EPG5: variants seen among roughly 807,000 people sequenced by gnomAD.
EPG5 encodes the protein ectopic P-granules 5 autophagy tethering factor.
In EPG5, 159 loss-of-function variants were observed where a neutral mutation model predicts 302.7. The ratio of observed to expected loss-of-function variants is 0.53; its 90% CI spans 0.46 to 0.60. The LOEUF is 0.60. Ranked by LOEUF, EPG5 falls within the 20% of genes least tolerant of loss-of-function variation. The pLI, the probability that EPG5 is intolerant of heterozygous loss-of-function variation, is 0.00. For missense variants in EPG5, 2,896 were observed against 3,092.4 expected (o/e 0.94, Z 1.51); for synonymous variants, 1,158 against 1,136.8 (o/e 1.02, Z -0.37).
intron 22 of EPG5, 28 bp downstream of exon 22, chr18:45,912,262 C>T: frequency 6.5e-7 from 1 of 1,530,210 alleles, no homozygotes. Context: ...AATGGACTCA[C>T]AGAAACCTAC....
At chr18:45,881,736 C>G (rs2049103023) in intron 31 of EPG5, among the ~76,000 whole-genome samples, 2 of 151,996 alleles carry the variant, frequency 1.3e-5, no homozygotes, top group African/African-American at 4.8e-5. Context: ...ACAGAAGTGG[C>G]AGGAATGTGG....
chr18:45,868,197 G>A, intron 36 of EPG5: 1 of 455,200 alleles, frequency 2.2e-6, no homozygotes, highest in Non-Finnish European at 4.4e-6. Flanking sequence ...CCTACCCCTA[G>A]AGCTTTTAAT....
intron 10 of EPG5, among the ~76,000 whole-genome samples, chr18:45,938,784 C>T (rs60288752): frequency 0.1 from 15,399 of 152,240 alleles, 1,202 homozygotes; most frequent in East Asian, 0.29. Context: ...AAATATTAAG[C>T]GACTTTCCCA....
chr18:45,880,148 C>A lies in EPG5; in HGVS notation c.5594G>T (p.Cys1865Phe). 6.2e-7 allele frequency: 1 copy of A among 1,611,548 alleles called. No homozygotes were observed. The change falls in exon 32 of 44, where the codon TGC becomes TTC. Residue 1865 changes from cysteine (C) to phenylalanine (F), a missense_variant. Around this residue, in one of 5 missense-constraint regions of EPG5, gnomAD observed 790 missense variants for 798.0 expected, o/e 0.99. Coordinates refer to ENST00000282041, the MANE Select transcript of EPG5 (RefSeq NM_020964.3). ...CTCGGTGGACGCTGCCCCCTGCTGG[C>A]AGCTGGGGGCGCAGCAGCCCAGGGC... ...LRALGCCAPS[C>F]QQGAASTEGA...
rs754410371 is a variant in EPG5, at chr18:45,903,958, G to A, written c.4474+15C>T. On this transcript the variant is annotated intron_variant, in intron 25 of 43. Transcript: ENST00000282041. ...CATTCACTCATTCGAAGGGGCAGGT[G>A]CTCCCAGGACCCACCCAGCAAAGGA... 56 of 1,591,904 alleles carry A rather than the reference G, an allele frequency of 3.5e-5. No individual in the cohort carries two copies. The highest frequency in any genetic ancestry group is 4.2e-5 in the Non-Finnish European group (49 of 1,174,342).
intron 43 of EPG5, among the ~76,000 whole-genome samples, chr18:45,854,575 C>G (rs2048476575): frequency 6.6e-6 from 1 of 152,182 alleles, no homozygotes; most frequent in Non-Finnish European, 1.5e-5. Flanking sequence ...AATAATAGTT[C>G]CCAGCTGGAT....
At chr18:45,900,294 C>T (rs1484018632) in intron 26 of EPG5, among the ~76,000 whole-genome samples, 2 of 149,702 alleles carry the variant, frequency 1.3e-5, no homozygotes, top group African/African-American at 4.9e-5. Context: ...CCCAGCTACT[C>T]GGGAGGCTGA....
Position 45,883,478 on chromosome 18 carries a change from T to TTC in EPG5, c.5305-992_5305-991insGA, listed in dbSNP as rs1555667565. On this transcript the variant is annotated intron_variant, in intron 30 of 43. Transcript: ENST00000282041. ...AAGGTTGTCTTTTTTTTTTTTTTTT[T>TTC]CACAACAGGTCTCACTCCATCACCC... Among the ~76,000 whole-genome samples the TTC allele has an allele frequency of 6.2e-4, 93 of 149,444 alleles. 1 individual carries two copies. Among genetic ancestry groups the TTC allele is most frequent in the Admixed American group, 1.7e-3 (25 of 15,028 alleles).
chr18:45,877,144 C>T (rs1040050822), intron 34 of EPG5, among the ~76,000 whole-genome samples: 5 of 152,082 alleles, frequency 3.3e-5, no homozygotes, highest in Non-Finnish European at 7.4e-5. Flanking sequence ...TGCCTGTAAT[C>T]CCAGCACTTT....
chr18:45,910,772 C>T, intron 22 of EPG5, 30 bp from the exon 23 acceptor site: 1 of 1,556,000 alleles, frequency 6.4e-7, no homozygotes, highest in Non-Finnish European at 8.8e-7. Context: ...GATCTATAAC[C>T]TTTCAACACA....
chr18:45,929,072 T>A, intron 12 of EPG5, 63 bp from the exon 13 acceptor site: 1 of 1,487,562 alleles, frequency 6.7e-7, no homozygotes, highest in Non-Finnish European at 9.2e-7. Flanking sequence ...CAAAACACAC[T>A]TATATCATTT....
At chr18:45,867,108 G>A in intron 37 of EPG5, 101 bp from the exon 38 acceptor site, 1 of 783,152 alleles carries the variant, frequency 1.3e-6, no homozygotes, top group South Asian at 1.6e-5. Context: ...ATGGCCTATG[G>A]TAAGCACAGA....
rs753777979 is a variant in EPG5 at position 45,944,125 on chromosome 18, G to C, written c.1678-6C>G. 1.9e-6 allele frequency: 3 copies of C among 1,570,092 alleles called. No individual in the cohort carries two copies. The highest frequency in any genetic ancestry group is 1.7e-5 in the Admixed American group (1 of 59,630). ...CTGGTCTCAGGGTCTTCATCCTAAGGGAAAAGACAAAAAATCATGTCAGCA... is the reference window on the plus strand; with the variant it reads ...CTGGTCTCAGGGTCTTCATCCTAAGCGAAAAGACAAAAAATCATGTCAGCA... On this transcript the variant is annotated splice_region_variant and splice_polypyrimidine_tract_variant and intron_variant, in intron 7 of 43. Transcript: ENST00000282041.
At chr18:45,899,305 A>G in intron 27 of EPG5, 99 bp downstream of exon 27, 2 of 1,358,754 alleles carry the variant, frequency 1.5e-6, no homozygotes, top group Non-Finnish European at 2.1e-6. Flanking sequence ...TGGGACACAG[A>G]CAGTGTGCTA....
At chr18:45,806,259 T>G in the EPG5 span, among the ~76,000 whole-genome samples, 1 of 152,208 alleles carries the variant, frequency 6.6e-6, no homozygotes, top group South Asian at 2.1e-4. Context: ...GAAAACTATT[T>G]TTACCATAAA....
the EPG5 span, chr18:45,842,317 C>T: frequency 3.4e-6 from 3 of 895,304 alleles, no homozygotes; most frequent in Non-Finnish European, 5.3e-6. Context: ...TCCTCCCCTG[C>T]TCAAGGTCAA....
chr18:45,909,301 A>G (rs1573405), intron 23 of EPG5, among the ~76,000 whole-genome samples: 38,953 of 152,090 alleles, frequency 0.26, 6,044 homozygotes, highest in African/African-American at 0.41. Flanking sequence ...AGAGGCAGAA[A>G]GGAATATCAA....
the EPG5 span, among the ~76,000 whole-genome samples, chr18:45,817,989 T>G: frequency 1.3e-5 from 2 of 152,218 alleles, no homozygotes; most frequent in Non-Finnish European, 1.5e-5. Context: ...CTAGAAAGTA[T>G]GTATGCATAC....
chr18:45,930,967 G>A, intron 11 of EPG5, 137 bp from the exon 12 acceptor site: 2 of 807,290 alleles, frequency 2.5e-6, no homozygotes, highest in East Asian at 3.1e-5. Flanking sequence ...ATTTCTACAG[G>A]CATCAGGAAT....
Sources: gnomAD v4.1 joint callset for allele counts (sites outside exome capture counted in the v4.1 genomes callset) on GRCh38, gnomAD v4.1.1 for gene constraint, gnomAD v4.1.1 regional missense constraint, MANE v1.5 for transcripts, NCBI Gene and HGNC (gene_info 2026-07-23, HGNC 2026-07-21) for gene names.